PTPRD: variants seen among roughly 807,000 people sequenced by gnomAD.
PTPRD encodes receptor-type tyrosine-protein phosphatase delta.
A neutral mutation model predicts 214.5 loss-of-function variants in PTPRD; 34 were observed. The observed-to-expected ratio is 0.16, with a 90% CI of 0.12 to 0.21. The LOEUF is 0.21. Among genes scored for constraint, PTPRD ranks in the 10% least tolerant of loss-of-function variants. The pLI is 1.00. For missense variants in PTPRD, 2,545 were observed against 2,398.7 expected (o/e 1.06, Z -1.27); for synonymous variants, 1,128 against 845.7 (o/e 1.33, Z -5.79).
chr9:10,567,056 T>C (rs544681728), intron 2 of PTPRD, among the ~76,000 whole-genome samples: 2 of 152,120 alleles, frequency 1.3e-5, no homozygotes, highest in Non-Finnish European at 2.9e-5. Flanking sequence ...TCTCCACCCA[T>C]GTGCTTACAT....
intron 9 of PTPRD, among the ~76,000 whole-genome samples, chr9:9,302,707 T>G (rs1955855096): frequency 6.6e-6 from 1 of 151,548 alleles, no homozygotes; most frequent in Non-Finnish European, 1.5e-5. Context: ...GTATGCTTCT[T>G]TACTCAGCTC....
At chr9:10,449,844 G>A (rs1480808374) in intron 2 of PTPRD, among the ~76,000 whole-genome samples, 1 of 151,816 alleles carries the variant, frequency 6.6e-6, no homozygotes, top group African/African-American at 2.4e-5. Context: ...GATTGTTACT[G>A]TGTCTGTATA....
At chr9:9,316,365 C>T (rs957721099) in intron 9 of PTPRD, among the ~76,000 whole-genome samples, 9 of 152,006 alleles carry the variant, frequency 5.9e-5, no homozygotes, top group Non-Finnish European at 8.8e-5. Flanking sequence ...GGTTAGAATA[C>T]TTTAAAACTC....
At chr9:8,953,187 G>T (rs1210472651) in intron 11 of PTPRD, among the ~76,000 whole-genome samples, 1 of 151,878 alleles carries the variant, frequency 6.6e-6, no homozygotes, top group Non-Finnish European at 1.5e-5. Flanking sequence ...GTGCAAAAGT[G>T]TGAGTGAAAT....
intron 12 of PTPRD, among the ~76,000 whole-genome samples, chr9:8,689,276 T>C (rs1295390722): frequency 6.6e-6 from 1 of 152,210 alleles, no homozygotes; most frequent in Non-Finnish European, 1.5e-5. Flanking sequence ...AGTAAGAGTA[T>C]ATGACTACAG....
At position 10,374,464 on chromosome 9, in the gene PTPRD, G is replaced by A. The variant is rs182108172; in HGVS notation, c.-599-33447C>T. 1.4e-3 allele frequency among the ~76,000 whole-genome samples: 210 copies of A among 152,086 alleles called. No homozygotes were observed. The Middle Eastern group carries it at 0.017, about 12-fold the overall frequency. On this transcript the variant is annotated intron_variant, in intron 2 of 45. Coordinates refer to ENST00000381196, the MANE Select transcript of PTPRD (RefSeq NM_002839.4). ...TGCAAAAAGACAAGCACTCTGGTCC[G>A]TGCTTGTTCTTTTCCACCCGCCAGA...
chr9:8,432,508 C>A (rs761407421), intron 35 of PTPRD, among the ~76,000 whole-genome samples: 27 of 152,166 alleles, frequency 1.8e-4, no homozygotes, highest in East Asian at 5.8e-4. Context: ...GTCTTAGAAT[C>A]AGAGTAAAAA....
chr9:10,452,637 T>C (rs1180587236), intron 2 of PTPRD, among the ~76,000 whole-genome samples: 1 of 151,916 alleles, frequency 6.6e-6, no homozygotes, highest in Non-Finnish European at 1.5e-5. Flanking sequence ...AAAAAATGTC[T>C]ATTCATTTAA....
chr9:9,348,042 G>C (rs1569567584), intron 9 of PTPRD, among the ~76,000 whole-genome samples: 6 of 152,060 alleles, frequency 3.9e-5, no homozygotes, highest in Admixed American at 3.9e-4. Context: ...CATCTACTTT[G>C]TTTAAAAAAG....
At chr9:9,080,639 A>G (rs771064265) in intron 10 of PTPRD, among the ~76,000 whole-genome samples, 20 of 152,066 alleles carry the variant, frequency 1.3e-4, no homozygotes, top group Non-Finnish European at 2.2e-4. Flanking sequence ...ACAAAGCTCT[A>G]TCTCTCTTCT....
intron 7 of PTPRD, among the ~76,000 whole-genome samples, chr9:9,703,827 C>G (rs2097546259): frequency 6.6e-6 from 1 of 152,016 alleles, no homozygotes; most frequent in Non-Finnish European, 1.5e-5. Flanking sequence ...ATTTTAAAAC[C>G]ATGTTGAGAA....
At chr9:10,101,667 C>T (rs1036812826) in intron 3 of PTPRD, among the ~76,000 whole-genome samples, 3 of 151,572 alleles carry the variant, frequency 2.0e-5, no homozygotes, top group South Asian at 2.1e-4. Context: ...TACACCTATA[C>T]GGTATATTTT....
chr9:8,367,966 G>A (rs2080399680), intron 39 of PTPRD, among the ~76,000 whole-genome samples: 1 of 152,118 alleles, frequency 6.6e-6, no homozygotes, highest in African/African-American at 2.4e-5. Flanking sequence ...TAATGTGCTC[G>A]AGGTCACAGA....
At chr9:9,463,918 C>T (rs541353278) in intron 8 of PTPRD, among the ~76,000 whole-genome samples, 1 of 152,276 alleles carries the variant, frequency 6.6e-6, no homozygotes, top group African/African-American at 2.4e-5. Flanking sequence ...CAGATCACCA[C>T]ATTTGGACAG....
intron 7 of PTPRD, among the ~76,000 whole-genome samples, chr9:9,657,472 G>A (rs2096541706): frequency 6.6e-6 from 1 of 152,052 alleles, no homozygotes; most frequent in Non-Finnish European, 1.5e-5. Flanking sequence ...AGGTGGGGTG[G>A]GATAGCATTA....
At chr9:9,235,857 T>G (rs1193054181) in intron 9 of PTPRD, among the ~76,000 whole-genome samples, 2 of 112,868 alleles carry the variant, frequency 1.8e-5, no homozygotes, top group Admixed American at 8.4e-5. Context: ...TGGTGACTTT[T>G]TTTTTGTTGT....
At chr9:8,758,261 A>G (rs915748249) in intron 11 of PTPRD, among the ~76,000 whole-genome samples, 7 of 152,076 alleles carry the variant, frequency 4.6e-5, no homozygotes, top group Non-Finnish European at 1.0e-4. Flanking sequence ...AATTTGAGTG[A>G]CTCCTCAATT....
intron 10 of PTPRD, among the ~76,000 whole-genome samples, chr9:9,024,351 T>C (rs1254933886): frequency 1.6e-5 from 1 of 62,036 alleles, no homozygotes; most frequent in Non-Finnish European, 4.0e-5. Flanking sequence ...TTTTTTTGTT[T>C]GTTTTTTTTT....
chr9:9,935,524 G>A (rs1157193597), intron 5 of PTPRD, among the ~76,000 whole-genome samples: 4 of 152,234 alleles, frequency 2.6e-5, no homozygotes, highest in South Asian at 2.1e-4. Context: ...TACAAGGGAT[G>A]TGAAGGACCT....
Sources: allele counts gnomAD v4.1 joint callset (sites outside exome capture counted in the v4.1 genomes callset), GRCh38; gene constraint gnomAD v4.1.1; transcripts MANE v1.5; gene names NCBI Gene and HGNC (gene_info 2026-07-23, HGNC 2026-07-21).